Variants in RBM25 observed in about 807,000 individuals in gnomAD.
The protein encoded by RBM25 is RNA binding motif protein 25, also known as RNA-binding protein 25.
A neutral mutation model predicts 120.7 loss-of-function variants in RBM25; 19 were observed. The ratio of observed to expected loss-of-function variants is 0.16; its 90% CI spans 0.11 to 0.23. The LOEUF (loss-of-function observed/expected upper bound fraction) is 0.23, where lower values mean the gene tolerates loss of function less well. RBM25 is among the 10% of genes least tolerant of loss of function. The probability of loss-of-function intolerance (pLI) is 1.00; values close to 1 mark genes in which losing one functional copy is unlikely to be tolerated. For missense variants in RBM25, 605 were observed against 1,041.5 expected (o/e 0.58, Z 5.77); for synonymous variants, 390 against 326.7 (o/e 1.19, Z -2.09).
chr14:73,071,504 A>G (rs948234043), intron 1 of RBM25, 123 bp from the exon 2 acceptor site: 12 of 691,400 alleles, frequency 1.7e-5, no homozygotes, highest in African/African-American at 1.6e-4. Flanking sequence ...GTCTTTGCCA[A>G]TTTCTTTGGG....
At chr14:73,090,661 C>A (rs953655348) in intron 6 of RBM25, among the ~76,000 whole-genome samples, 3 of 152,140 alleles carry the variant, frequency 2.0e-5, no homozygotes, top group African/African-American at 4.8e-5. Flanking sequence ...GTTTATATAT[C>A]TCTCTCTTTC....
rs1235219392 is a variant in RBM25, at chr14:73,122,067, T to G, written c.*2262T>G. ...GAGTTGGTTGATTTTTAGAATTGTA[T>G]ATATAAAGAATTAGACATTAAACAG... On this transcript the variant is annotated 3_prime_UTR_variant, in exon 19 of 19. Transcript: ENST00000261973. The G allele has an allele frequency of 6.6e-6, 1 of 152,226 alleles. No homozygotes were observed. The highest frequency in any genetic ancestry group is 1.5e-5 in the Non-Finnish European group (1 of 68,038). The allele number at this position is 152,226 out of a possible 1,614,324, so 9.4% of individuals were successfully genotyped here. A position where few individuals can be genotyped will look rare whatever the true frequency, so the allele number is the denominator to read the frequency against.
chr14:73,113,287 ATG>A (rs752566404), intron 17 of RBM25, among the ~76,000 whole-genome samples: 3 of 151,868 alleles, frequency 2.0e-5, no homozygotes, highest in Admixed American at 6.6e-5. Context: ...GGGTTTCACC[ATG>A]TTGGCCAGGC....
chr14:73,111,902 G>A, intron 16 of RBM25, 100 bp downstream of exon 16: 1 of 1,362,930 alleles, frequency 7.3e-7, no homozygotes, highest in Non-Finnish European at 9.9e-7. Context: ...TTCTATTAAT[G>A]ACAAATAAGT....
chr14:73,099,815 CA>C (rs753028341), intron 9 of RBM25, 65 bp downstream of exon 9: 44 of 1,497,044 alleles, frequency 2.9e-5, no homozygotes, highest in Middle Eastern at 1.8e-4. Flanking sequence ...AGCAAAGAGA[CA>C]AAAAAAATCA....
rs1485801991 is a variant in RBM25 at position 73,097,184 on chromosome 14, CTTTTTTCTTTTCTTTTT to C, written c.729+91_729+107del. ...TATACTTTGATTACATGTCAGTTTT[CTTTTTTCTTTTCTTTTT>C]TTTTTTTTTTTTTTTTTGAGATGGA... On this transcript the variant is annotated intron_variant, in intron 7 of 18. Transcript: ENST00000261973. 40 of 187,918 alleles carry C rather than the reference CTTTTTTCTTTTCTTTTT, an allele frequency of 2.1e-4. No individual in the cohort carries two copies. The South Asian group carries it at 5.2e-3, about 24-fold the overall frequency. The allele number at this position is 187,918 out of a possible 1,614,324, so 11.6% of individuals were successfully genotyped here.
intron 18 of RBM25, among the ~76,000 whole-genome samples, chr14:73,114,669 G>A (rs544064967): frequency 6.6e-6 from 1 of 152,286 alleles, no homozygotes; most frequent in East Asian, 1.9e-4. Context: ...GCTGAGGCGG[G>A]TGGATCACAA....
chr14:73,067,682 C>A (rs1895173028), intron 1 of RBM25, among the ~76,000 whole-genome samples: 1 of 150,780 alleles, frequency 6.6e-6, no homozygotes. Flanking sequence ...TGGCTCACTG[C>A]AAGCTCCGCC....
intron 4 of RBM25, among the ~76,000 whole-genome samples, chr14:73,077,830 A>G (rs1417327274): frequency 6.6e-6 from 1 of 152,226 alleles, no homozygotes; most frequent in Non-Finnish European, 1.5e-5. Flanking sequence ...CCTAAGAGCA[A>G]GGACATTCTG....
At chr14:73,106,713 A>T (rs1033150599) in intron 12 of RBM25, among the ~76,000 whole-genome samples, 2 of 152,146 alleles carry the variant, frequency 1.3e-5, no homozygotes, top group Non-Finnish European at 2.9e-5. Flanking sequence ...AAATTGATTG[A>T]TGAACATGAT....
rs2140453584 is a variant in RBM25 at position 73,101,459 on chromosome 14, T to G, written c.867+1709T>G. 3 of 94,484 alleles carry G rather than the reference T, an allele frequency of 3.2e-5. No homozygotes were observed. The South Asian group carries it at 1.2e-3, about 39-fold the overall frequency. 5.9% of individuals were successfully genotyped at this position (94,484 alleles called of 1,614,324 possible). A position where few individuals can be genotyped will look rare whatever the true frequency, so the allele number is the denominator to read the frequency against. ...CCTCATTTCCCTTCTCCAGTCTTTC[T>G]TTAAAAATATACATGTATGTTTACA... On this transcript the variant is annotated intron_variant, in intron 9 of 18. Coordinates refer to ENST00000261973, the MANE Select transcript of RBM25 (RefSeq NM_021239.3).
intron 12 of RBM25, chr14:73,107,598 A>G (rs888885125): frequency 3.0e-5 from 14 of 465,486 alleles, no homozygotes; most frequent in Admixed American, 4.1e-5. Context: ...AGCTGAATAC[A>G]TATACATTTA....
chr14:73,071,803 A>G, intron 2 of RBM25, 56 bp downstream of exon 2: 1 of 1,384,336 alleles, frequency 7.2e-7, no homozygotes, highest in Non-Finnish European at 1.0e-6. Flanking sequence ...TCTTTGTGAT[A>G]CTAACTTCAG....
chr14:73,066,171 A>G (rs968606024), intron 1 of RBM25, among the ~76,000 whole-genome samples: 8 of 152,246 alleles, frequency 5.3e-5, no homozygotes, highest in Non-Finnish European at 1.2e-4. Flanking sequence ...CTGTTTTAAA[A>G]AGAGATACCA....
chr14:73,070,689 C>G (rs1418154341), intron 1 of RBM25, among the ~76,000 whole-genome samples: 3 of 152,174 alleles, frequency 2.0e-5, no homozygotes, highest in African/African-American at 7.2e-5. Flanking sequence ...TGGCTCAGGC[C>G]TGTAATCCTA....
chr14:73,099,979 C>G, intron 9 of RBM25: 3 of 547,592 alleles, frequency 5.5e-6, no homozygotes, highest in Non-Finnish European at 2.9e-6. Context: ...AGTCATCTCA[C>G]TTTAATATGA....
chr14:73,071,804 C>T, intron 2 of RBM25, 57 bp downstream of exon 2: 1 of 1,370,602 alleles, frequency 7.3e-7, no homozygotes, highest in Non-Finnish European at 1.0e-6. Context: ...CTTTGTGATA[C>T]TAACTTCAGG....
intron 6 of RBM25, among the ~76,000 whole-genome samples, chr14:73,090,531 T>A (rs1021108953): frequency 5.9e-5 from 9 of 152,250 alleles, no homozygotes; most frequent in African/African-American, 2.2e-4. Context: ...TCCATACTTA[T>A]AATTAACATG....
chr14:73,087,639 C>T (rs907892827), intron 5 of RBM25, among the ~76,000 whole-genome samples: 1 of 152,172 alleles, frequency 6.6e-6, no homozygotes, highest in African/African-American at 2.4e-5. Context: ...TCGTGATCCA[C>T]CCGCCTCGGC....
Sources: gnomAD v4.1 joint callset for allele counts (sites outside exome capture counted in the v4.1 genomes callset) on GRCh38, gnomAD v4.1.1 for gene constraint, MANE v1.5 for transcripts, NCBI Gene and HGNC (gene_info 2026-07-23, HGNC 2026-07-21) for gene names.